Variants in DENND2D observed in about 807,000 individuals in gnomAD.
DENND2D encodes DENN domain-containing protein 2D.
Under a neutral mutation model 59.8 loss-of-function variants are expected in DENND2D, and 37 were observed. The ratio of observed to expected loss-of-function variants is 0.62; its 90% CI spans 0.48 to 0.81. The LOEUF is 0.81. Ranked by LOEUF, DENND2D falls within the 40% of genes least tolerant of loss-of-function variation. The pLI, the probability that DENND2D is intolerant of heterozygous loss-of-function variation, is 0.00. For missense variants in DENND2D, 525 were observed against 579.7 expected (o/e 0.91, Z 0.97); for synonymous variants, 219 against 211.3 (o/e 1.04, Z -0.31).
At chr1:111,191,496 A>G (rs1657769910) in intron 8 of DENND2D, among the ~76,000 whole-genome samples, 1 of 152,136 alleles carries the variant, frequency 6.6e-6, no homozygotes, top group Admixed American at 6.5e-5. Flanking sequence ...TATTTTTCCA[A>G]CAGCGGGGAT....
intron 3 of DENND2D, 126 bp from the exon 4 acceptor site, chr1:111,198,115 T>C (rs1658424972): frequency 4.8e-6 from 4 of 829,078 alleles, no homozygotes; most frequent in African/African-American, 1.7e-5. Flanking sequence ...GAGTAAGGGC[T>C]CACTGGTGTC....
chr1:111,203,364 G>A (rs1367215007), upstream of DENND2D, among the ~76,000 whole-genome samples: 2 of 152,220 alleles, frequency 1.3e-5, no homozygotes, highest in Non-Finnish European at 2.9e-5. Context: ...GCGTGCCAAT[G>A]TTGGAAAGGG....
intron 10 of DENND2D, 52 bp from the exon 11 acceptor site, chr1:111,188,422 C>G (rs1657425527): frequency 6.3e-7 from 1 of 1,592,426 alleles, no homozygotes; most frequent in Non-Finnish European, 8.6e-7. Flanking sequence ...ATGAAATTAC[C>G]CAAACTCACC....
chr1:111,197,563 T>A (rs1178074327), intron 4 of DENND2D: 3 of 1,361,616 alleles, frequency 2.2e-6, no homozygotes, highest in Non-Finnish European at 2.8e-6. Context: ...ACTTGGGGAA[T>A]CCTCCTGAGA....
chr1:111,186,092 C>T lies in DENND2D; in HGVS notation c.*1513G>A, dbSNP rs1657244848. On this transcript the variant is annotated 3_prime_UTR_variant, in exon 12 of 12. Transcript: ENST00000357640. ...CCTAAATACAGCATTAGCATCAAAT[C>T]AAGGGTACATTTGTAATAAACCTCA... is the stretch of plus-strand genomic sequence containing the variant. 6.6e-6 allele frequency among the ~76,000 whole-genome samples: 1 copy of T among 152,142 alleles called. No homozygotes were observed. The highest frequency in any genetic ancestry group is 2.4e-5 in the African/African-American group (1 of 41,420).
Position 111,195,994 on chromosome 1 carries a change from C to T in DENND2D, c.567G>A (p.Gln189=), listed in dbSNP as rs1199208693. ...ISMAVIYPFM[Q]GLREAAFPAP... ...CAGGGAAGGCTGCCTCTCGGAGGCC[C>T]TGCATGAACGGGTAGATGACAGCCA... is the stretch of plus-strand genomic sequence containing the variant. Residue 189 remains glutamine (Q), a synonymous_variant, in exon 6 of 12, where the codon CAG becomes CAA. Coordinates refer to ENST00000357640, the MANE Select transcript of DENND2D (RefSeq NM_024901.5). The T allele has an allele frequency of 6.2e-7, 1 of 1,613,894 alleles. No individual in the cohort carries two copies. Among genetic ancestry groups the T allele is most frequent in the African/African-American group, 1.3e-5 (1 of 74,892 alleles).
chr1:111,186,024 A>T lies in DENND2D; in HGVS notation c.*1581T>A, dbSNP rs2101428323. ...CTAGATTCTTTTTCAGCATAGATGG[A>T]ATCTGAAAAGCACTCAGATATTTAG... On this transcript the variant is annotated 3_prime_UTR_variant, in exon 12 of 12. Transcript: ENST00000357640. Among the ~76,000 whole-genome samples, 1 of 152,348 alleles carries T rather than the reference A, an allele frequency of 6.6e-6. No homozygotes were observed. The highest frequency in any genetic ancestry group is 6.5e-5 in the Admixed American group (1 of 15,300).
At chr1:111,199,893 C>T (rs1396796128) in intron 1 of DENND2D, 95 bp from the exon 2 acceptor site, 18 of 1,471,484 alleles carry the variant, frequency 1.2e-5, no homozygotes, top group South Asian at 2.7e-5. Flanking sequence ...ACCTCAAGGC[C>T]GCCTTGCCAA....
chr1:111,187,249 C>A lies in DENND2D; in HGVS notation c.*356G>T, dbSNP rs1281781405. On this transcript the variant is annotated 3_prime_UTR_variant, in exon 12 of 12. Coordinates refer to ENST00000357640, the MANE Select transcript of DENND2D (RefSeq NM_024901.5). ...CATGTAGAGAGGCTGAGCCTTTCGA[C>A]CACAAAGTGTGTTCTGTGTTGAAGA... The A allele has an allele frequency of 1.4e-5, 3 of 216,218 alleles. No individual in the cohort carries two copies. Among genetic ancestry groups the A allele is most frequent in the Non-Finnish European group, 2.8e-5 (3 of 108,246 alleles). The allele number at this position is 216,218 out of a possible 1,614,324, so 13.4% of individuals were successfully genotyped here. A position where few individuals can be genotyped will look rare whatever the true frequency, so the allele number is the denominator to read the frequency against.
intron 4 of DENND2D, 189 bp downstream of exon 4, chr1:111,197,731 G>T: frequency 7.0e-7 from 1 of 1,424,494 alleles, no homozygotes; most frequent in East Asian, 2.5e-5. Context: ...AGCGGGAGAA[G>T]GGGCATCAGG....
intron 9 of DENND2D, 70 bp from the exon 10 acceptor site, chr1:111,188,856 A>T (rs1292052197): frequency 3.0e-5 from 40 of 1,354,468 alleles, no homozygotes; most frequent in Non-Finnish European, 3.9e-5. Flanking sequence ...GCAGAAAAGC[A>T]TAAGGAGGGC....
In DENND2D at chr1:111,197,213, A is replaced by C; in HGVS notation, c.467T>G (p.Ile156Ser). 1 of 1,613,972 alleles carries C rather than the reference A, an allele frequency of 6.2e-7. No homozygotes were observed. The highest frequency in any genetic ancestry group is 8.5e-7 in the Non-Finnish European group (1 of 1,179,994). ...PGPRLPKVYC[I>S]ISCIGCFGLF... ...GCCGAAGCAGCCGATGCAGCTGATGATGCAGTACACTTTGGGAAGGCGAGG... is the reference window on the plus strand; with the variant it reads ...GCCGAAGCAGCCGATGCAGCTGATGCTGCAGTACACTTTGGGAAGGCGAGG... The change falls in exon 5 of 12, where the codon ATC becomes AGC. Residue 156 changes from isoleucine to serine, a missense_variant. Physicochemically the swap from Ile to Ser is moderately radical, Grantham distance 142. Transcript: ENST00000357640.
At chr1:111,196,657 A>G (rs986342717) in intron 5 of DENND2D, 1 of 161,440 alleles carries the variant, frequency 6.2e-6, no homozygotes, top group Non-Finnish European at 1.4e-5. Context: ...ATTCTGCTCA[A>G]ATTCTGTCTC....
intron 11 of DENND2D, among the ~76,000 whole-genome samples, 168 bp from the exon 12 acceptor site, chr1:111,187,849 A>G (rs1412105441): frequency 6.6e-6 from 1 of 152,152 alleles, no homozygotes; most frequent in Admixed American, 6.5e-5. Context: ...GTTTTGTCCA[A>G]AAAGGAGCCC....
At chr1:111,198,777 G>A in intron 2 of DENND2D, 35 bp from the exon 3 acceptor site, 1 of 1,608,904 alleles carries the variant, frequency 6.2e-7, no homozygotes, top group East Asian at 2.2e-5. Context: ...TGGATGTGAA[G>A]CTGGGGGCAG....
chr1:111,192,207 G>A lies in DENND2D; in HGVS notation c.905C>T (p.Pro302Leu), dbSNP rs1238794027. ...TTGTACTCCAACCATGAAGGGGGTG[G>A]GGCAGCAGACGGTGGCCAGAAGGCT... Reference protein sequence around the residue: ...PESLLATVCCPTPFMVGVQMR... With the variant: ...PESLLATVCCLTPFMVGVQMR... Residue 302 changes from proline (P) to leucine (L), a missense_variant, in exon 8 of 12, where the codon CCC becomes CTC. Transcript: ENST00000357640. 6.2e-7 allele frequency: 1 copy of A among 1,613,920 alleles called. No individual in the cohort carries two copies. Among genetic ancestry groups the A allele is most frequent in the East Asian group, 2.2e-5 (1 of 44,878 alleles).
intron 11 of DENND2D, 44 bp from the exon 12 acceptor site, chr1:111,187,725 G>T: frequency 6.8e-7 from 1 of 1,470,800 alleles, no homozygotes; most frequent in Non-Finnish European, 9.5e-7. Context: ...GATCTGGTCA[G>T]GCAGATTATA....
At chr1:111,192,844 C>T (rs1432073045) in intron 7 of DENND2D, among the ~76,000 whole-genome samples, 1 of 152,204 alleles carries the variant, frequency 6.6e-6, no homozygotes, top group Admixed American at 6.5e-5. Flanking sequence ...TCATCCCCAG[C>T]CTTTGCCCCC....
At position 111,195,127 on chromosome 1, in the gene DENND2D, T is replaced by A. The variant is rs904577979; in HGVS notation, c.646-401A>T. The A allele has an allele frequency of 2.8e-5, 5 of 175,966 alleles. No individual in the cohort carries two copies. The South Asian group carries it at 8.9e-4, about 31-fold the overall frequency. 10.9% of individuals were successfully genotyped at this position (175,966 alleles called of 1,614,324 possible). On this transcript the variant is annotated intron_variant, in intron 6 of 11. Coordinates refer to ENST00000357640, the MANE Select transcript of DENND2D (RefSeq NM_024901.5). ...CATGTGATACTTTCCCATCTTCTTATGTAGCACCCTGTTTTGTTTTTTTTT... is the reference window on the plus strand; with the variant it reads ...CATGTGATACTTTCCCATCTTCTTAAGTAGCACCCTGTTTTGTTTTTTTTT...
Sources: allele counts gnomAD v4.1 joint callset (sites outside exome capture counted in the v4.1 genomes callset), GRCh38; gene constraint gnomAD v4.1.1; transcripts MANE v1.5; gene names NCBI Gene and HGNC (gene_info 2026-07-23, HGNC 2026-07-21).